KCNH5: variants seen among roughly 807,000 people sequenced by gnomAD.
The protein encoded by KCNH5 is voltage-gated delayed rectifier potassium channel KCNH5.
In KCNH5, 46 loss-of-function variants were observed where a neutral mutation model predicts 96.1. The ratio of observed to expected loss-of-function variants is 0.48; its 90% confidence interval spans 0.38 to 0.61. The LOEUF (loss-of-function observed/expected upper bound fraction) is 0.61, where lower values mean the gene tolerates loss of function less well. Ranked by LOEUF, KCNH5 falls within the 20% of genes least tolerant of loss-of-function variation. The pLI, the probability that KCNH5 is intolerant of heterozygous loss-of-function variation, is 0.00. For synonymous variants in KCNH5, 439 were observed against 449.8 expected (o/e 0.98, Z 0.30); for missense variants, 907 against 1,225.8 (o/e 0.74, Z 3.88).
At chr14:62,752,897 A>G (rs1382679415) in intron 10 of KCNH5, among the ~76,000 whole-genome samples, 1 of 152,192 alleles carries the variant, frequency 6.6e-6, no homozygotes, top group Non-Finnish European at 1.5e-5. Flanking sequence ...ATGCAGAACT[A>G]TGAGTCAAAT....
chr14:62,780,101 A>G (rs1886178865), intron 9 of KCNH5, among the ~76,000 whole-genome samples, 177 bp from the exon 10 acceptor site: 3 of 152,246 alleles, frequency 2.0e-5, no homozygotes. Context: ...GTAAAGTAAC[A>G]TCACCCTGAA....
rs542414086 is a variant in KCNH5, at chr14:62,969,529, T to C, written c.942+11343A>G. 6.7e-4 allele frequency among the ~76,000 whole-genome samples: 101 copies of C among 151,858 alleles called. 1 individual carries two copies. Among genetic ancestry groups the C allele is most frequent in the Non-Finnish European group, 1.3e-3 (89 of 67,998 alleles). On this transcript the variant is annotated intron_variant, in intron 6 of 10. Transcript: ENST00000322893. ...CATGTTCTTACTCATAAGTCGGAGC[T>C]GAATAATGAGAGCATGTGGACACAG...
intron 6 of KCNH5, among the ~76,000 whole-genome samples, chr14:62,956,351 A>G (rs1241972577): frequency 6.6e-6 from 1 of 152,068 alleles, no homozygotes; most frequent in East Asian, 1.9e-4. Context: ...CTTTGTTGGG[A>G]GAGGGGCAGT....
chr14:63,001,595 A>G (rs1255138393), intron 3 of KCNH5, 136 bp from the exon 4 acceptor site: 2 of 682,942 alleles, frequency 2.9e-6, no homozygotes, highest in East Asian at 5.9e-5. Context: ...CAGTATATTA[A>G]TTACTACAAA....
intron 9 of KCNH5, among the ~76,000 whole-genome samples, chr14:62,791,122 G>A (rs982292822): frequency 6.6e-6 from 1 of 151,458 alleles, no homozygotes; most frequent in African/African-American, 2.4e-5. Context: ...CCATCATATA[G>A]GAAATGCTTA....
chr14:62,911,963 G>A (rs902588448), intron 7 of KCNH5, among the ~76,000 whole-genome samples: 6 of 150,716 alleles, frequency 4.0e-5, no homozygotes, highest in Admixed American at 6.6e-5. Context: ...GCTTGAAACC[G>A]GGAGGCGGAT....
intron 7 of KCNH5, among the ~76,000 whole-genome samples, chr14:62,931,716 G>A (rs1566712521): frequency 6.6e-6 from 1 of 152,154 alleles, no homozygotes; most frequent in African/African-American, 2.4e-5. Context: ...CAAAGGTGGG[G>A]CTAAAACTAG....
chr14:62,751,876 A>C lies in KCNH5; in HGVS notation c.2019+27852T>G, dbSNP rs371534714. Among the ~76,000 whole-genome samples, 73 of 152,346 alleles carry C rather than the reference A, an allele frequency of 4.8e-4. No individual in the cohort carries two copies. In the East Asian group the frequency reaches 9.7e-3, roughly 20 times the overall value. On this transcript the variant is annotated intron_variant, in intron 10 of 10. Transcript: ENST00000322893. ...ATAGCTTCCTATGGATATCAGGGGAAGACTGGGTTATAAAATGTACTCCCA... is the reference window on the plus strand; with the variant it reads ...ATAGCTTCCTATGGATATCAGGGGACGACTGGGTTATAAAATGTACTCCCA...
intron 9 of KCNH5, among the ~76,000 whole-genome samples, chr14:62,795,199 A>G (rs1886515261): frequency 6.6e-6 from 1 of 152,152 alleles, no homozygotes; most frequent in African/African-American, 2.4e-5. Context: ...GGAGGAACAG[A>G]GGGCATAGAG....
chr14:62,777,368 T>A (rs1451485601), intron 10 of KCNH5, among the ~76,000 whole-genome samples: 2 of 152,134 alleles, frequency 1.3e-5, no homozygotes, highest in African/African-American at 4.8e-5. Flanking sequence ...TCTTCATGGG[T>A]GAAATGGAGA....
At chr14:63,026,960 A>G (rs921439731) in intron 1 of KCNH5, among the ~76,000 whole-genome samples, 2 of 152,066 alleles carry the variant, frequency 1.3e-5, no homozygotes, top group African/African-American at 4.8e-5. Context: ...CCTAAGTGCC[A>G]ATCAACAGAT....
Position 62,919,106 on chromosome 14 carries a change from TGTA to T in KCNH5, c.1369+31024_1369+31026del, listed in dbSNP as rs529620842. The stretch of plus-strand genomic sequence containing the variant: ...AGGCATAGAAATTGATTACAAAAAG[TGTA>T]GTATAGTTTCATACATAAAAATGCT... On this transcript the variant is annotated intron_variant, in intron 7 of 10. Coordinates refer to ENST00000322893, the MANE Select transcript of KCNH5 (RefSeq NM_139318.5). 1.5e-4 allele frequency among the ~76,000 whole-genome samples: 23 copies of T among 152,172 alleles called. 1 individual carries two copies. The highest frequency in any genetic ancestry group is 1.4e-3 in the Admixed American group (22 of 15,276).
chr14:62,758,694 C>T (rs988682811), intron 10 of KCNH5, among the ~76,000 whole-genome samples: 2 of 152,184 alleles, frequency 1.3e-5, no homozygotes, highest in African/African-American at 4.8e-5. Context: ...AAGAAGGTAA[C>T]TGTCAGTGCA....
intron 7 of KCNH5, among the ~76,000 whole-genome samples, chr14:62,944,390 T>C (rs1889846323): frequency 6.6e-6 from 1 of 152,116 alleles, no homozygotes; most frequent in Non-Finnish European, 1.5e-5. Flanking sequence ...TTACAAGTGG[T>C]GCTTCTTAGA....
At chr14:62,787,649 G>C (rs1886346084) in intron 9 of KCNH5, among the ~76,000 whole-genome samples, 1 of 152,230 alleles carries the variant, frequency 6.6e-6, no homozygotes, top group African/African-American at 2.4e-5. Context: ...TAAAGGATAG[G>C]CTAACTTGTT....
At chr14:62,916,236 G>A (rs1247461572) in intron 7 of KCNH5, among the ~76,000 whole-genome samples, 2 of 152,172 alleles carry the variant, frequency 1.3e-5, no homozygotes, top group African/African-American at 4.8e-5. Flanking sequence ...ACAGGCGTGA[G>A]CCACCACGCC....
At chr14:62,965,919 G>C (rs986775962) in intron 6 of KCNH5, among the ~76,000 whole-genome samples, 6 of 152,026 alleles carry the variant, frequency 3.9e-5, no homozygotes, top group African/African-American at 1.4e-4. Context: ...AATTCCAGTA[G>C]CATCATATTG....
At chr14:62,813,440 G>A (rs749096039) in intron 8 of KCNH5, among the ~76,000 whole-genome samples, 6 of 152,156 alleles carry the variant, frequency 3.9e-5, no homozygotes, top group Non-Finnish European at 8.8e-5. Flanking sequence ...TTAAGTGCCT[G>A]AAGGTAGTAA....
chr14:62,786,495 C>A (rs571045812), intron 9 of KCNH5, among the ~76,000 whole-genome samples: 112 of 152,094 alleles, frequency 7.4e-4, no homozygotes, highest in African/African-American at 2.1e-3. Flanking sequence ...AGCAAATTAA[C>A]ATGTCTATCA....
Sources: allele counts gnomAD v4.1 joint callset (sites outside exome capture counted in the v4.1 genomes callset), GRCh38; gene constraint gnomAD v4.1.1; transcripts MANE v1.5; gene names NCBI Gene and HGNC (gene_info 2026-07-23, HGNC 2026-07-21).